The following SERPINB6 variants were observed in gnomAD, a reference collection of about 807,000 sequenced individuals.
SERPINB6 encodes the protein serpin B6.
SERPINB6 carries 16 observed loss-of-function variants against 26.1 expected under a neutral mutation model. The observed-to-expected ratio is 0.61, with a 90% CI of 0.42 to 0.93. The LOEUF (loss-of-function observed/expected upper bound fraction) is 0.93. Among genes scored for constraint, SERPINB6 ranks in the 40% least tolerant of loss-of-function variants. The probability of loss-of-function intolerance (pLI) is 0.00; values close to 1 mark genes in which losing one functional copy is unlikely to be tolerated. For synonymous variants in SERPINB6, 174 were observed against 176.6 expected (o/e 0.99, Z 0.11); for missense variants, 420 against 478.0 (o/e 0.88, Z 1.13).
chr6:2,950,340 C>A (rs1451148607), intron 5 of SERPINB6, among the ~76,000 whole-genome samples: 1 of 152,042 alleles, frequency 6.6e-6, no homozygotes, highest in African/African-American at 2.4e-5. Flanking sequence ...CGAGACCAGC[C>A]TGGCCAACAT....
chr6:2,961,905 T>G (rs79521103), intron 1 of SERPINB6: 1 of 985,134 alleles, frequency 1.0e-6, no homozygotes, highest in Non-Finnish European at 1.2e-6. Flanking sequence ...CTTTTTTTTT[T>G]GTAGAGACAA....
chr6:2,970,783 T>G, intron 1 of SERPINB6: 1 of 1,230,512 alleles, frequency 8.1e-7, no homozygotes, highest in Non-Finnish European at 1.0e-6. Flanking sequence ...TAGTTAAAGT[T>G]TCCTCTTTGC....
At chr6:2,949,140 C>T (rs1031744707) in intron 5 of SERPINB6, 71 bp from the exon 6 acceptor site, 2 of 1,548,630 alleles carry the variant, frequency 1.3e-6, no homozygotes, top group African/African-American at 1.4e-5. Flanking sequence ...TGTGTCGGAG[C>T]TGGCCACTCT....
chr6:2,954,477 A>C, intron 4 of SERPINB6, 115 bp downstream of exon 4: 8 of 874,252 alleles, frequency 9.2e-6, no homozygotes, highest in Non-Finnish European at 1.5e-5. Flanking sequence ...TTAAGTTTGC[A>C]GTTATTCAGA....
At chr6:2,968,957 C>G in intron 1 of SERPINB6, 8 of 1,222,374 alleles carry the variant, frequency 6.5e-6, no homozygotes, top group Non-Finnish European at 8.1e-6. Context: ...CGGGGGGCTT[C>G]TACTGGATCT....
chr6:2,966,409 A>G (rs1771647507), intron 1 of SERPINB6: 1 of 986,944 alleles, frequency 1.0e-6, no homozygotes, highest in Non-Finnish European at 1.2e-6. Flanking sequence ...CTTTATATGC[A>G]GGAGTCCCCA....
chr6:2,952,281 G>T (rs1769900139), intron 5 of SERPINB6, among the ~76,000 whole-genome samples: 1 of 152,118 alleles, frequency 6.6e-6, no homozygotes, highest in Non-Finnish European at 1.5e-5. Context: ...AAAAACTGAA[G>T]GCTCAAGTTC....
At chr6:2,955,206 A>AC (rs1554102184) in intron 3 of SERPINB6, 15 of 338,700 alleles carry the variant, frequency 4.4e-5, no homozygotes, top group African/African-American at 1.6e-4. Flanking sequence ...AAAAAAACAA[A>AC]AAAAAAAAAG....
chr6:2,967,639 G>A lies in SERPINB6; in HGVS notation c.-11+3894C>T, dbSNP rs957836496. The A allele has an allele frequency of 3.9e-5, 6 of 152,136 alleles. No homozygotes were observed. Among genetic ancestry groups the A allele is most frequent in the African/African-American group, 1.4e-4 (6 of 41,422 alleles). 9.4% of individuals were successfully genotyped at this position (152,136 alleles called of 1,614,324 possible). On this transcript the variant is annotated intron_variant, in intron 1 of 6. Transcript: ENST00000380539. The surrounding 1 kb of genome is among the most constrained non-coding windows in gnomAD (Gnocchi z 4.3). ...CCATTAAAAAGAAGGCAAAGGACAT[G>A]AACAGACACTTTTCAAAAGAAGACA... is the stretch of plus-strand genomic sequence containing the variant.
intron 3 of SERPINB6, 129 bp from the exon 4 acceptor site, chr6:2,954,838 T>C: frequency 1.4e-6 from 1 of 722,592 alleles, no homozygotes; most frequent in South Asian, 1.5e-5. Flanking sequence ...CAAATAAATA[T>C]GAGGACTTAA....
chr6:2,962,599 T>C (rs900995455), intron 1 of SERPINB6, among the ~76,000 whole-genome samples: 49 of 152,224 alleles, frequency 3.2e-4, no homozygotes, highest in African/African-American at 1.1e-3. Flanking sequence ...TGTAGCTCAA[T>C]TTTCAAAGCC....
At chr6:2,952,899 G>A in intron 5 of SERPINB6, 145 bp downstream of exon 5, 1 of 1,173,442 alleles carries the variant, frequency 8.5e-7, no homozygotes, top group Non-Finnish European at 1.2e-6. Flanking sequence ...CGGATGCCAG[G>A]CGCCCAGGGA....
chr6:2,970,858 A>C (rs556548837), intron 1 of SERPINB6: 595 of 1,231,420 alleles, frequency 4.8e-4, no homozygotes, highest in Non-Finnish European at 5.8e-4. Context: ...CAGAGCGGTA[A>C]GGAGATCCGG....
chr6:2,968,428 G>T, intron 1 of SERPINB6: 2 of 931,252 alleles, frequency 2.1e-6, no homozygotes, highest in Non-Finnish European at 2.6e-6. Context: ...ACAAACCTGC[G>T]TATGTATCCT....
At chr6:2,970,903 G>A in intron 1 of SERPINB6, 10 of 1,230,308 alleles carry the variant, frequency 8.1e-6, no homozygotes, top group Non-Finnish European at 9.1e-6. Flanking sequence ...AGGTCTGGGC[G>A]ACCTGAAAGT....
Position 2,948,863 on chromosome 6 carries a change from A to T in SERPINB6, c.729+51T>A, listed in dbSNP as rs751548920. 1 of 1,610,682 alleles carries T rather than the reference A, an allele frequency of 6.2e-7. No homozygotes were observed. ...AGTAGGGACAGCAGCCACAGCAGACACCCCCGAGTGGCTCCTTGCTAGCAC... is the reference window on the plus strand; with the variant it reads ...AGTAGGGACAGCAGCCACAGCAGACTCCCCCGAGTGGCTCCTTGCTAGCAC... On this transcript the variant is annotated intron_variant, in intron 6 of 6. Transcript: ENST00000380539. This position sits in a 1 kb window ranked among gnomAD's most constrained non-coding sequence, Gnocchi z 5.0.
intron 5 of SERPINB6, among the ~76,000 whole-genome samples, chr6:2,950,169 C>T (rs1769613615): frequency 6.6e-6 from 1 of 152,038 alleles, no homozygotes; most frequent in Non-Finnish European, 1.5e-5. Flanking sequence ...TAAGCTTCAC[C>T]AGGGCAAGCA....
chr6:2,951,304 T>C (rs914146667), intron 5 of SERPINB6, among the ~76,000 whole-genome samples: 1 of 150,378 alleles, frequency 6.6e-6, no homozygotes. Flanking sequence ...GAGAATCACC[T>C]GAACCCGGGA....
At chr6:2,962,215 C>T (rs1771197108) in intron 1 of SERPINB6, 1 of 985,326 alleles carries the variant, frequency 1.0e-6, no homozygotes, top group African/African-American at 1.7e-5. Context: ...CCAGGTTACA[C>T]CATCTGGGGC....
Sources: allele counts gnomAD v4.1 joint callset (sites outside exome capture counted in the v4.1 genomes callset), GRCh38; gene constraint gnomAD v4.1.1; non-coding constraint Gnocchi (gnomAD v3.1); transcripts MANE v1.5; gene names NCBI Gene and HGNC (gene_info 2026-07-23, HGNC 2026-07-21).